Variants in ARHGAP15 observed in about 807,000 individuals in gnomAD.
The protein encoded by ARHGAP15 is rho GTPase-activating protein 15.
ARHGAP15 carries 51 observed loss-of-function variants against 63.7 expected under a neutral mutation model. The observed-to-expected ratio is 0.80, with a 90% CI of 0.64 to 1.01. The LOEUF is 1.01. ARHGAP15 is among the 50% of genes least tolerant of loss of function. The pLI is 0.00. For synonymous variants in ARHGAP15, 191 were observed against 193.8 expected, an observed-to-expected ratio of 0.99 and a Z score of 0.12; for missense variants, 560 against 564.6, an observed-to-expected ratio of 0.99 and a Z score of 0.08.
At chr2:143,743,500 G>C (rs779915761) in intron 13 of ARHGAP15, among the ~76,000 whole-genome samples, 1 of 152,112 alleles carries the variant, frequency 6.6e-6, no homozygotes, top group Non-Finnish European at 1.5e-5. Flanking sequence ...TTCCCTGCCT[G>C]TGGCCTGTGT....
At chr2:143,692,632 G>C (rs536425943) in intron 12 of ARHGAP15, among the ~76,000 whole-genome samples, 4 of 152,266 alleles carry the variant, frequency 2.6e-5, no homozygotes, top group African/African-American at 7.2e-5. Flanking sequence ...CGTTTGATGG[G>C]TAAAGCAGTA....
chr2:143,255,350 T>C (rs1680366386), intron 6 of ARHGAP15, among the ~76,000 whole-genome samples: 1 of 152,096 alleles, frequency 6.6e-6, no homozygotes, highest in Non-Finnish European at 1.5e-5. Flanking sequence ...CAAGATTCTT[T>C]TTCAATATAT....
intron 13 of ARHGAP15, among the ~76,000 whole-genome samples, chr2:143,727,365 C>T (rs1003133262): frequency 1.3e-5 from 2 of 151,996 alleles, no homozygotes; most frequent in African/African-American, 4.8e-5. Context: ...ACCTGATGGC[C>T]GCTTTACCTT....
chr2:143,748,404 G>A (rs955329118), intron 13 of ARHGAP15, among the ~76,000 whole-genome samples: 5 of 152,150 alleles, frequency 3.3e-5, no homozygotes, highest in Non-Finnish European at 2.9e-5. Flanking sequence ...TAGGGGGAAA[G>A]AAAAGCTGCC....
chr2:143,346,077 C>CT (rs935844991), intron 6 of ARHGAP15, among the ~76,000 whole-genome samples: 2 of 152,004 alleles, frequency 1.3e-5, no homozygotes, highest in African/African-American at 4.8e-5. Context: ...AGCATACTAA[C>CT]TTTAACCAAG....
At chr2:143,486,676 A>G (rs1390535082) in intron 8 of ARHGAP15, among the ~76,000 whole-genome samples, 2 of 152,204 alleles carry the variant, frequency 1.3e-5, no homozygotes, top group South Asian at 2.1e-4. Context: ...AGCCTTTAGC[A>G]TGGAGCCTGA....
chr2:143,585,045 A>T (rs1697059274), intron 11 of ARHGAP15, among the ~76,000 whole-genome samples: 1 of 152,084 alleles, frequency 6.6e-6, no homozygotes, highest in Non-Finnish European at 1.5e-5. Context: ...ACTGGGTGTT[A>T]AAAAATCATC....
intron 6 of ARHGAP15, among the ~76,000 whole-genome samples, chr2:143,309,252 A>G (rs191143974): frequency 2.6e-5 from 4 of 152,248 alleles, no homozygotes; most frequent in African/African-American, 9.6e-5. Context: ...AACTTTGGCC[A>G]ATACATCAGA....
At chr2:143,723,912 G>A (rs896702095) in intron 13 of ARHGAP15, among the ~76,000 whole-genome samples, 1 of 152,140 alleles carries the variant, frequency 6.6e-6, no homozygotes, top group Non-Finnish European at 1.5e-5. Flanking sequence ...GCCTCTGATA[G>A]GTTAAGAGAA....
chr2:143,352,748 A>G (rs1020346187), intron 6 of ARHGAP15, among the ~76,000 whole-genome samples: 1 of 152,134 alleles, frequency 6.6e-6, no homozygotes, highest in African/African-American at 2.4e-5. Context: ...GCTCACATTG[A>G]CCAACATTTT....
At position 143,737,292 on chromosome 2, in the gene ARHGAP15, A is replaced by T. The variant is rs141816933; in HGVS notation, c.1245-30697A>T. Among the ~76,000 whole-genome samples the T allele has an allele frequency of 3.7e-4, 57 of 152,298 alleles. No individual in the cohort carries two copies. The East Asian group carries it at 9.6e-3, about 26-fold the overall frequency. On this transcript the variant is annotated intron_variant, in intron 13 of 13. Coordinates refer to ENST00000295095, the MANE Select transcript of ARHGAP15 (RefSeq NM_018460.4). The stretch of plus-strand genomic sequence containing the variant: ...TACATGAATGCTCCTGGTTCTTAAA[A>T]CTTTGTCTCACATTTGACCTATTTA...
intron 9 of ARHGAP15, among the ~76,000 whole-genome samples, chr2:143,508,886 C>T (rs1314079025): frequency 6.6e-6 from 1 of 152,158 alleles, no homozygotes; most frequent in Non-Finnish European, 1.5e-5. Context: ...AAGGGTACTT[C>T]ACAGAAGTAC....
rs1558765527 is a variant in ARHGAP15 at position 143,134,147 on chromosome 2, CTATCTACCTAT to C, written c.-15+4682_-15+4692del. 2.1e-3 allele frequency among the ~76,000 whole-genome samples: 58 copies of C among 27,866 alleles called. 1 individual carries two copies. The highest frequency in any genetic ancestry group is 3.8e-3 in the African/African-American group (53 of 13,878). 18.3% of individuals were successfully genotyped at this position (27,866 alleles called of 152,430 possible). A position where few individuals can be genotyped will look rare whatever the true frequency, so the allele number is the denominator to read the frequency against. On this transcript the variant is annotated intron_variant, in intron 1 of 13. Coordinates refer to ENST00000295095, the MANE Select transcript of ARHGAP15 (RefSeq NM_018460.4). ...TCTATCTATCTATCTATCTATCTAT[CTATCTACCTAT>C]CTATCTATCATCTATCTATCTATCA...
chr2:143,440,337 G>A (rs530444333), intron 8 of ARHGAP15, among the ~76,000 whole-genome samples: 5 of 152,150 alleles, frequency 3.3e-5, no homozygotes, highest in African/African-American at 7.2e-5. Flanking sequence ...ACTTGCATTC[G>A]CTTTTATGTC....
intron 13 of ARHGAP15, among the ~76,000 whole-genome samples, chr2:143,760,999 T>C (rs911634689): frequency 6.6e-6 from 1 of 152,132 alleles, no homozygotes; most frequent in Non-Finnish European, 1.5e-5. Flanking sequence ...TCCCCTGCTT[T>C]TCCAATACTT....
At chr2:143,433,622 G>C (rs1171785202) in intron 6 of ARHGAP15, among the ~76,000 whole-genome samples, 10 of 152,096 alleles carry the variant, frequency 6.6e-5, no homozygotes. Context: ...CACTGCTAAA[G>C]TACTTATATT....
At chr2:143,166,956 A>G (rs538145538) in intron 2 of ARHGAP15, among the ~76,000 whole-genome samples, 3 of 152,050 alleles carry the variant, frequency 2.0e-5, no homozygotes, top group African/African-American at 7.2e-5. Flanking sequence ...CTTCTTCCTT[A>G]GTCTTTTTTG....
chr2:143,202,746 TA>T (rs1374387304), intron 3 of ARHGAP15, among the ~76,000 whole-genome samples: 8 of 124,568 alleles, frequency 6.4e-5, no homozygotes, highest in African/African-American at 9.8e-5. Flanking sequence ...ACAGAGGGCT[TA>T]TTGTAAATGT....
chr2:143,677,795 G>A (rs1682899797), intron 12 of ARHGAP15, among the ~76,000 whole-genome samples: 1 of 152,280 alleles, frequency 6.6e-6, no homozygotes, highest in Non-Finnish European at 1.5e-5. Flanking sequence ...TACATAATAT[G>A]TAGTACCTGC....
Sources: allele counts gnomAD v4.1 joint callset (sites outside exome capture counted in the v4.1 genomes callset), GRCh38; gene constraint gnomAD v4.1.1; transcripts MANE v1.5; gene names NCBI Gene and HGNC (gene_info 2026-07-23, HGNC 2026-07-21).